The following RP1L1 variants were observed in gnomAD, a reference collection of about 807,000 sequenced individuals.
RP1L1 encodes the protein retinitis pigmentosa 1-like 1 protein.
A neutral mutation model predicts 15.7 loss-of-function variants in RP1L1; 27 were observed. That is an observed-to-expected ratio of 1.72 (90% CI 1.27 to 2.38). The LOEUF (loss-of-function observed/expected upper bound fraction) is 2.38. Among genes scored for constraint, RP1L1 ranks in the 30% most tolerant of loss-of-function variants. RP1L1 has a pLI of 0.00. For synonymous variants in RP1L1, 1,813 were observed against 1,276.7 expected (o/e 1.42, Z -8.96); for missense variants, 4,798 against 3,075.9 (o/e 1.56, Z -13.24).
intron 1 of RP1L1, among the ~76,000 whole-genome samples, chr8:10,647,625 A>T (rs943205818): frequency 6.6e-6 from 1 of 152,212 alleles, no homozygotes; most frequent in African/African-American, 2.4e-5. Flanking sequence ...TTCACTTAGC[A>T]TCATGTCTCC....
In RP1L1 at chr8:10,612,335, T is replaced by C. The variant is rs770348021; in HGVS notation, c.1763A>G (p.Asp588Gly). The C allele has an allele frequency of 3.2e-5, 52 of 1,613,052 alleles. No individual in the cohort carries two copies. In the East Asian group the frequency reaches 1.1e-3, roughly 33 times the overall value. ...CTGTCCTTGCGTCTCTGCCTGCAGG[T>C]CGTCACTCCTTAAAGATGAAAGACT... ...ALSLSSLRSD[D>G]LQAETQGQGT... is the part of the protein sequence containing the mutation. Residue 588 changes from aspartate (D) to glycine (G), a missense_variant, in exon 4 of 4, where the codon GAC becomes GGC. Physicochemically the swap from Asp to Gly is moderately conservative, Grantham distance 94. Coordinates refer to ENST00000382483, the MANE Select transcript of RP1L1 (RefSeq NM_178857.6).
intron 3 of RP1L1, among the ~76,000 whole-genome samples, chr8:10,614,005 G>A (rs954035659): frequency 6.6e-6 from 1 of 152,166 alleles, no homozygotes; most frequent in Admixed American, 6.5e-5. Flanking sequence ...GGTTCGTATT[G>A]ATGCATGGCT....
At chr8:10,623,448 T>C (rs886889863) in intron 1 of RP1L1, among the ~76,000 whole-genome samples, 69 of 152,104 alleles carry the variant, frequency 4.5e-4, no homozygotes, top group Non-Finnish European at 7.2e-4. Flanking sequence ...GCTCAGGAGT[T>C]TGAGGCTGTC....
Sources: gnomAD v4.1 joint callset for allele counts (sites outside exome capture counted in the v4.1 genomes callset) on GRCh38, gnomAD v4.1.1 for gene constraint, MANE v1.5 for transcripts, NCBI Gene and HGNC (gene_info 2026-07-23, HGNC 2026-07-21) for gene names.